The following PCDHA3 variants were observed in gnomAD, a reference collection of about 807,000 sequenced individuals.
The protein encoded by PCDHA3 is protocadherin alpha-3.
Under a neutral mutation model 62.2 loss-of-function variants are expected in PCDHA3, and 41 were observed. The observed-to-expected ratio is 0.66, with a 90% CI of 0.51 to 0.86. PCDHA3 has a LOEUF of 0.86. Among genes scored for constraint, PCDHA3 ranks in the 40% least tolerant of loss-of-function variants. The probability of loss-of-function intolerance (pLI) is 0.00; values close to 1 mark genes in which losing one functional copy is unlikely to be tolerated. For missense variants in PCDHA3, 1,304 were observed against 1,241.2 expected (o/e 1.05, Z -0.76); for synonymous variants, 640 against 555.4 (o/e 1.15, Z -2.14).
chr5:140,966,515 G>A, intron 1 of PCDHA3: 1 of 436,996 alleles, frequency 2.3e-6, no homozygotes, highest in East Asian at 3.5e-5. Context: ...AGCAGCAGCA[G>A]GAAGCCGAGC....
intron 1 of PCDHA3, among the ~76,000 whole-genome samples, chr5:140,879,906 T>C (rs993531346): frequency 6.6e-6 from 1 of 152,214 alleles, no homozygotes; most frequent in Admixed American, 6.5e-5. Context: ...TCTCTCTCTA[T>C]GTGTTGGTTT....
At chr5:140,997,673 TG>T (rs1554255971) in intron 3 of PCDHA3, among the ~76,000 whole-genome samples, 41 of 149,136 alleles carry the variant, frequency 2.7e-4, no homozygotes, top group African/African-American at 9.9e-4. Context: ...ACAGCTTGTG[TG>T]TGTGTGTGTG....
intron 3 of PCDHA3, among the ~76,000 whole-genome samples, chr5:140,994,027 A>G (rs1237081548): frequency 2.6e-5 from 4 of 152,234 alleles, no homozygotes; most frequent in Non-Finnish European, 2.9e-5. Context: ...TGCAGATATA[A>G]TATTAAATAT....
intron 1 of PCDHA3, chr5:140,882,766 G>C (rs782330844): frequency 6.2e-7 from 1 of 1,614,184 alleles, no homozygotes; most frequent in Non-Finnish European, 8.5e-7. Context: ...GAGTAAACTC[G>C]GCATTGACCT....
intron 1 of PCDHA3, among the ~76,000 whole-genome samples, chr5:140,948,738 A>T (rs1347138284): frequency 6.6e-6 from 1 of 151,488 alleles, no homozygotes; most frequent in African/African-American, 2.4e-5. Flanking sequence ...CTAGCTGAGA[A>T]TTTATCAATT....
At chr5:140,929,935 T>C (rs1253092331) in intron 1 of PCDHA3, 1 of 152,218 alleles carries the variant, frequency 6.6e-6, no homozygotes, top group Non-Finnish European at 1.5e-5. Context: ...CAGTGTATTC[T>C]CTAGCCTATA....
intron 1 of PCDHA3, chr5:140,866,113 T>C (rs1185424072): frequency 6.6e-6 from 1 of 152,196 alleles, no homozygotes; most frequent in African/African-American, 2.4e-5. Flanking sequence ...AAGAGTTGCC[T>C]TATAAGAACT....
At chr5:140,872,392 T>C (rs2053635930) in intron 1 of PCDHA3, among the ~76,000 whole-genome samples, 1 of 152,152 alleles carries the variant, frequency 6.6e-6, no homozygotes, top group African/African-American at 2.4e-5. Flanking sequence ...TTTGGGAGGC[T>C]GAGGCAGGAG....
intron 1 of PCDHA3, chr5:140,871,022 A>G (rs2052630009): frequency 6.2e-7 from 1 of 1,613,114 alleles, no homozygotes; most frequent in African/African-American, 1.3e-5. Context: ...GACGAGGCAG[A>G]CTCGCCGCGC....
At chr5:140,870,461 C>T (rs1554164294) in intron 1 of PCDHA3, 1 of 1,614,246 alleles carries the variant, frequency 6.2e-7, no homozygotes, top group Non-Finnish European at 8.5e-7. Context: ...AATGCGCCTG[C>T]GTTCGCACAG....
intron 1 of PCDHA3, among the ~76,000 whole-genome samples, chr5:140,818,143 A>G (rs1554127393): frequency 6.6e-6 from 1 of 152,256 alleles, no homozygotes; most frequent in African/African-American, 2.4e-5. Context: ...GTATGCCTTC[A>G]AATACGGCTT....
rs538024116 is a variant in PCDHA3 at position 140,945,235 on chromosome 5, T to C, written c.2395-33714T>C. Among the ~76,000 whole-genome samples the C allele has an allele frequency of 1.1e-4, 17 of 152,128 alleles. No homozygotes were observed. In the South Asian group the frequency reaches 3.5e-3, roughly 32 times the overall value. On this transcript the variant is annotated intron_variant, in intron 1 of 3. Coordinates refer to ENST00000522353, the MANE Select transcript of PCDHA3 (RefSeq NM_018906.3). ...GAAAATAAAAATACTTAGGAATAAA[T>C]TTAACCAAGAGGATGAAAGACCTGC...
At chr5:140,995,371 C>G (rs143381591) in intron 3 of PCDHA3, among the ~76,000 whole-genome samples, 3 of 152,120 alleles carry the variant, frequency 2.0e-5, no homozygotes, top group Admixed American at 1.3e-4. Flanking sequence ...GGATGATTCA[C>G]GTACTGGGCA....
intron 1 of PCDHA3, among the ~76,000 whole-genome samples, chr5:140,886,624 G>A (rs1204732273): frequency 6.6e-6 from 1 of 151,636 alleles, no homozygotes; most frequent in African/African-American, 2.4e-5. Context: ...TCAGGAGTCC[G>A]AGACCAGCCT....
At chr5:140,860,132 T>C (rs2150486737) in intron 1 of PCDHA3, 1 of 150,816 alleles carries the variant, frequency 6.6e-6, no homozygotes, top group East Asian at 1.9e-4. Flanking sequence ...TGTGTGTGTG[T>C]GTATATATAT....
chr5:141,006,029 G>A (rs539375544), intron 3 of PCDHA3, among the ~76,000 whole-genome samples: 12 of 151,322 alleles, frequency 7.9e-5, no homozygotes, highest in Non-Finnish European at 1.2e-4. Context: ...ATAATAGTAA[G>A]AGGGAGATTT....
chr5:140,958,020 A>G (rs536128192), intron 1 of PCDHA3, among the ~76,000 whole-genome samples: 90 of 152,262 alleles, frequency 5.9e-4, no homozygotes, highest in African/African-American at 2.1e-3. Context: ...TCAGCCAAGT[A>G]TACTATGCTT....
chr5:140,803,118 G>T lies in PCDHA3; in HGVS notation c.1921G>T (p.Asp641Tyr). 6.2e-7 allele frequency: 1 copy of T among 1,613,812 alleles called. No homozygotes were observed. Among genetic ancestry groups the T allele is most frequent in the South Asian group, 1.1e-5 (1 of 91,076 alleles). The change falls in exon 1 of 4, where the codon GAC becomes TAC. Residue 641 changes from aspartate (D) to tyrosine (Y), a missense_variant. Transcript: ENST00000522353. ...CACGACCCGTGCCCTGGACGAGGTG[G>T]ACGCCCCGCGCCATCGCCTACTGGT... ...ISTTRALDEVDAPRHRLLVLV... is the reference protein window; with the variant it reads ...ISTTRALDEVYAPRHRLLVLV...
At chr5:140,836,556 G>T (rs1441069501) in intron 1 of PCDHA3, 2 of 1,613,776 alleles carry the variant, frequency 1.2e-6, no homozygotes, top group Non-Finnish European at 1.7e-6. Flanking sequence ...GCGGTGCTCA[G>T]CGCCGTCCTC....
Sources: allele counts gnomAD v4.1 joint callset (sites outside exome capture counted in the v4.1 genomes callset), GRCh38; gene constraint gnomAD v4.1.1; transcripts MANE v1.5; gene names NCBI Gene and HGNC (gene_info 2026-07-23, HGNC 2026-07-21).